The following SYT2 variants were observed in gnomAD, a reference collection of about 807,000 sequenced individuals.
SYT2 encodes the protein synaptotagmin 2.
In SYT2, 15 loss-of-function variants were observed where a neutral mutation model predicts 39.9. The ratio of observed to expected loss-of-function variants is 0.38; its 90% confidence interval spans 0.25 to 0.58. SYT2 has a LOEUF of 0.58. Ranked by LOEUF, SYT2 falls within the 20% of genes least tolerant of loss-of-function variation. The pLI is 0.70. For synonymous variants in SYT2, 181 were observed against 204.5 expected, an observed-to-expected ratio of 0.89 and a Z score of 0.98; for missense variants, 389 against 530.3, an observed-to-expected ratio of 0.73 and a Z score of 2.62.
At chr1:202,660,897 G>A (rs556329041) in intron 1 of SYT2, among the ~76,000 whole-genome samples, 134 of 152,238 alleles carry the variant, frequency 8.8e-4, no homozygotes, top group Middle Eastern at 3.4e-3. Flanking sequence ...TGCAAGCTTC[G>A]TCTCCCCCAG....
chr1:202,652,471 C>G (rs1692211409), intron 1 of SYT2, among the ~76,000 whole-genome samples: 1 of 152,208 alleles, frequency 6.6e-6, no homozygotes, highest in African/African-American at 2.4e-5. Flanking sequence ...AATGTGTCTT[C>G]CCTACCTCCT....
chr1:202,697,971 T>G (rs1353986104), intron 1 of SYT2, among the ~76,000 whole-genome samples: 2 of 152,156 alleles, frequency 1.3e-5, no homozygotes, highest in Admixed American at 1.3e-4. Flanking sequence ...AGGGTCTGTC[T>G]GCAACACAGC....
At chr1:202,635,941 G>T (rs1691728839) in intron 1 of SYT2, among the ~76,000 whole-genome samples, 1 of 152,182 alleles carries the variant, frequency 6.6e-6, no homozygotes, top group Non-Finnish European at 1.5e-5. Flanking sequence ...TGCTGAATGT[G>T]ATATTGACTC....
intron 1 of SYT2, among the ~76,000 whole-genome samples, chr1:202,657,486 C>T (rs77308267): frequency 8.7e-4 from 132 of 152,270 alleles, no homozygotes; most frequent in Admixed American, 5.2e-3. Context: ...TGGGGGCTAC[C>T]ACAAGGCTCT....
At chr1:202,702,435 G>A (rs1654144566) in intron 1 of SYT2, among the ~76,000 whole-genome samples, 1 of 152,166 alleles carries the variant, frequency 6.6e-6, no homozygotes, top group Non-Finnish European at 1.5e-5. Flanking sequence ...AGTCAAACTG[G>A]GAGAGGGAGC....
chr1:202,625,215 T>G (rs62651582), intron 1 of SYT2, among the ~76,000 whole-genome samples: 11 of 41,914 alleles, frequency 2.6e-4, no homozygotes, highest in African/African-American at 5.1e-4. Flanking sequence ...TGTGTGATGT[T>G]TGTGGTGTGT....
intron 1 of SYT2, among the ~76,000 whole-genome samples, chr1:202,678,391 C>T (rs1653438072): frequency 1.6e-5 from 2 of 127,076 alleles, no homozygotes; most frequent in East Asian, 5.3e-4. Context: ...GATTCTATGA[C>T]TGAGGTAAGA....
At chr1:202,688,120 C>G in intron 1 of SYT2, among the ~76,000 whole-genome samples, 1 of 152,184 alleles carries the variant, frequency 6.6e-6, no homozygotes. Flanking sequence ...TGACACCCCC[C>G]CATACCCAGG....
intron 1 of SYT2, among the ~76,000 whole-genome samples, chr1:202,682,501 C>G (rs1418915181): frequency 6.6e-6 from 1 of 152,200 alleles, no homozygotes; most frequent in Non-Finnish European, 1.5e-5. Context: ...GTTAGGAAAG[C>G]TTCAAGAAGA....
At chr1:202,618,400 A>AGT (rs57621822) in intron 1 of SYT2, among the ~76,000 whole-genome samples, 4,785 of 148,834 alleles carry the variant, frequency 0.032, 163 homozygotes, top group African/African-American at 0.085. Flanking sequence ...GTCTGGTGTG[A>AGT]GTGTGTGTGT....
At chr1:202,680,291 T>G (rs1322278755) in intron 1 of SYT2, among the ~76,000 whole-genome samples, 14 of 152,242 alleles carry the variant, frequency 9.2e-5, no homozygotes, top group Admixed American at 7.2e-4. Flanking sequence ...CATACCAGTT[T>G]CTGCCCCTAG....
At chr1:202,669,707 A>G (rs1692547299) in intron 1 of SYT2, among the ~76,000 whole-genome samples, 1 of 151,384 alleles carries the variant, frequency 6.6e-6, no homozygotes, top group Admixed American at 6.6e-5. Flanking sequence ...GCAGTGAGGC[A>G]TGATCATACC....
chr1:202,644,582 C>T (rs1370503677), intron 1 of SYT2, among the ~76,000 whole-genome samples: 1 of 152,136 alleles, frequency 6.6e-6, no homozygotes. Context: ...CTCCCCTCAG[C>T]CTCTCCTTCA....
intron 1 of SYT2, among the ~76,000 whole-genome samples, chr1:202,619,229 G>C (rs1691137230): frequency 6.6e-6 from 1 of 152,218 alleles, no homozygotes; most frequent in African/African-American, 2.4e-5. Context: ...CAGCCAGCTG[G>C]AAGACTTGAG....
At chr1:202,629,469 T>G (rs183576158) in intron 1 of SYT2, among the ~76,000 whole-genome samples, 1 of 152,346 alleles carries the variant, frequency 6.6e-6, no homozygotes, top group Non-Finnish European at 1.5e-5. Context: ...AGTTCTCATT[T>G]GTGGGTATCT....
rs776759544 is a variant in SYT2 at position 202,623,005 on chromosome 1, T to C, written c.-17-17216A>G. ...CAGCCCTGCCTGAGTTGTCAACTCC[T>C]GGATTCCAGGCCTTTGTCGCCCCTC... On this transcript the variant is annotated intron_variant, in intron 1 of 8. Transcript: ENST00000367268. The surrounding 1 kb of genome is among the most constrained non-coding windows in gnomAD (Gnocchi z 4.2). Among the ~76,000 whole-genome samples the C allele has an allele frequency of 6.6e-6, 1 of 152,188 alleles. No individual in the cohort carries two copies. Among genetic ancestry groups the C allele is most frequent in the Non-Finnish European group, 1.5e-5 (1 of 68,028 alleles).
At chr1:202,633,817 A>C (rs1360613858) in intron 1 of SYT2, among the ~76,000 whole-genome samples, 1 of 152,196 alleles carries the variant, frequency 6.6e-6, no homozygotes, top group East Asian at 1.9e-4. Context: ...TATTGGGGAA[A>C]TTTAACTGAG....
intron 8 of SYT2, among the ~76,000 whole-genome samples, chr1:202,597,571 G>A (rs531185409): frequency 1.3e-5 from 2 of 152,308 alleles, no homozygotes; most frequent in African/African-American, 4.8e-5. Context: ...AGTGAGGCAG[G>A]AAATGAGGCT....
At chr1:202,695,108 T>A (rs1653940783) in intron 1 of SYT2, among the ~76,000 whole-genome samples, 1 of 152,162 alleles carries the variant, frequency 6.6e-6, no homozygotes, top group Admixed American at 6.5e-5. Context: ...TGTGACCTTA[T>A]GAACCATTTT....
Sources: allele counts gnomAD v4.1 joint callset (sites outside exome capture counted in the v4.1 genomes callset), GRCh38; gene constraint gnomAD v4.1.1; non-coding constraint Gnocchi (gnomAD v3.1); transcripts MANE v1.5; gene names NCBI Gene and HGNC (gene_info 2026-07-23, HGNC 2026-07-21).